Variants in LTBP1 observed in about 807,000 individuals in gnomAD.
LTBP1 encodes latent-transforming growth factor beta-binding protein 1.
A neutral mutation model predicts 207.6 loss-of-function variants in LTBP1; 129 were observed. That is an observed-to-expected ratio of 0.62 (90% CI 0.54 to 0.72). The LOEUF (loss-of-function observed/expected upper bound fraction) is 0.72, where lower values mean the gene tolerates loss of function less well. LTBP1 is among the 30% of genes least tolerant of loss of function. LTBP1 has a pLI of 0.00. For synonymous variants in LTBP1, 963 were observed against 833.7 expected, an observed-to-expected ratio of 1.16 and a Z score of -2.67; for missense variants, 2,281 against 2,217.2, an observed-to-expected ratio of 1.03 and a Z score of -0.58.
At chr2:33,109,978 C>T (rs1471770767) in intron 3 of LTBP1, among the ~76,000 whole-genome samples, 1 of 152,220 alleles carries the variant, frequency 6.6e-6, no homozygotes, top group Non-Finnish European at 1.5e-5. Context: ...ACTAATACAA[C>T]ATGGGGATTT....
At chr2:33,118,851 G>A (rs2080937574) in intron 4 of LTBP1, among the ~76,000 whole-genome samples, 1 of 152,196 alleles carries the variant, frequency 6.6e-6, no homozygotes, top group South Asian at 2.1e-4. Flanking sequence ...GTACGAACAT[G>A]ATTATTCTCT....
intron 9 of LTBP1, among the ~76,000 whole-genome samples, chr2:33,231,410 AAAG>A (rs1000506149): frequency 3.3e-5 from 5 of 152,218 alleles, no homozygotes; most frequent in Non-Finnish European, 5.9e-5. Flanking sequence ...TGTTTGGACA[AAAG>A]AAGAGATAAT....
intron 19 of LTBP1, among the ~76,000 whole-genome samples, chr2:33,281,755 A>G (rs1032862435): frequency 3.3e-5 from 5 of 152,118 alleles, no homozygotes; most frequent in Non-Finnish European, 7.4e-5. Context: ...TTAGTTTTTT[A>G]TTTGATAAGC....
intron 2 of LTBP1, among the ~76,000 whole-genome samples, chr2:32,961,682 A>T (rs1343646891): frequency 1.3e-5 from 2 of 152,130 alleles, no homozygotes; most frequent in African/African-American, 4.8e-5. Flanking sequence ...GTGGTGGCTC[A>T]TGCCTGTAAT....
At chr2:33,261,235 C>T (rs1329738336) in intron 13 of LTBP1, among the ~76,000 whole-genome samples, 1 of 149,332 alleles carries the variant, frequency 6.7e-6, no homozygotes, top group Non-Finnish European at 1.5e-5. Context: ...TGCTGCCTCA[C>T]GGTGATGGGG....
chr2:33,158,980 G>GGA (rs1273206120), intron 5 of LTBP1, among the ~76,000 whole-genome samples: 1 of 152,168 alleles, frequency 6.6e-6, no homozygotes, highest in African/African-American at 2.4e-5. Context: ...ACAGTTCTTT[G>GGA]GAGAGCTCAG....
chr2:33,301,734 C>T, intron 22 of LTBP1, 90 bp downstream of exon 22: 1 of 1,199,704 alleles, frequency 8.3e-7, no homozygotes, highest in Non-Finnish European at 1.1e-6. Flanking sequence ...TGAACCTCAT[C>T]TCTTGATTTC....
intron 26 of LTBP1, among the ~76,000 whole-genome samples, chr2:33,348,068 G>A (rs1271178901): frequency 6.6e-6 from 1 of 152,090 alleles, no homozygotes; most frequent in African/African-American, 2.4e-5. Flanking sequence ...ATAGAGAGTT[G>A]GACTGTTTTC....
At chr2:32,991,203 T>C (rs1174479463) in intron 2 of LTBP1, among the ~76,000 whole-genome samples, 1 of 152,240 alleles carries the variant, frequency 6.6e-6, no homozygotes, top group Non-Finnish European at 1.5e-5. Flanking sequence ...TTTTAATAAA[T>C]ATTTGCCCGC....
At chr2:33,018,282 G>T (rs970316272) in intron 2 of LTBP1, among the ~76,000 whole-genome samples, 1 of 151,628 alleles carries the variant, frequency 6.6e-6, no homozygotes. Flanking sequence ...GCTCATTCTT[G>T]GTGGTACATT....
intron 24 of LTBP1, among the ~76,000 whole-genome samples, chr2:33,335,174 GA>G (rs201701995): frequency 0.029 from 3,367 of 117,948 alleles, 38 homozygotes; most frequent in African/African-American, 0.053. Flanking sequence ...CCATGCTGGG[GA>G]AAAAAAAAAA....
chr2:33,374,309 T>C (rs2095108793), intron 31 of LTBP1, among the ~76,000 whole-genome samples: 1 of 152,224 alleles, frequency 6.6e-6, no homozygotes, highest in Non-Finnish European at 1.5e-5. Flanking sequence ...TGGTCCTGGC[T>C]CTGTGACATT....
rs566735973 is a variant in LTBP1, at chr2:33,188,877, T to G, written c.1701+26T>G. ...GTAAACATCATCACCGAGCCTGCTT[T>G]AGCAGTGTCTTACAGATATGGTATC... On this transcript the variant is annotated intron_variant, in intron 7 of 33. Transcript: ENST00000404816. The G allele has an allele frequency of 8.9e-5, 143 of 1,610,434 alleles. No individual in the cohort carries two copies. The South Asian group carries it at 1.4e-3, about 16-fold the overall frequency.
chr2:33,247,497 A>G (rs114059462), intron 10 of LTBP1, among the ~76,000 whole-genome samples: 2,956 of 152,338 alleles, frequency 0.019, 43 homozygotes, highest in Middle Eastern at 0.1. Context: ...TTTTATTGGA[A>G]CACAGCCATG....
At chr2:33,281,959 A>G (rs1184741819) in intron 19 of LTBP1, among the ~76,000 whole-genome samples, 2 of 151,900 alleles carry the variant, frequency 1.3e-5, no homozygotes, top group Non-Finnish European at 2.9e-5. Flanking sequence ...GTGTAAACGC[A>G]GCCCTGATTC....
intron 2 of LTBP1, among the ~76,000 whole-genome samples, chr2:33,016,711 A>C (rs923094990): frequency 2.6e-5 from 4 of 152,174 alleles, no homozygotes; most frequent in African/African-American, 9.6e-5. Context: ...GGGAAAAAAA[A>C]TAAAATTAAA....
chr2:32,996,232 C>T (rs1572995063), intron 2 of LTBP1, among the ~76,000 whole-genome samples: 1 of 152,140 alleles, frequency 6.6e-6, no homozygotes, highest in Admixed American at 6.5e-5. Flanking sequence ...GTGCCAGCTG[C>T]TTCAGTGTCT....
chr2:33,103,219 T>A (rs2079841858), intron 3 of LTBP1, among the ~76,000 whole-genome samples: 1 of 151,718 alleles, frequency 6.6e-6, no homozygotes, highest in Non-Finnish European at 1.5e-5. Context: ...ATGTTGTATA[T>A]ATAGTCTGCT....
intron 2 of LTBP1, among the ~76,000 whole-genome samples, chr2:33,019,602 T>A (rs1268406747): frequency 6.6e-6 from 1 of 152,148 alleles, no homozygotes; most frequent in East Asian, 1.9e-4. Flanking sequence ...CCCAAAGTGC[T>A]AGGATTACAG....
Sources: gnomAD v4.1 joint callset for allele counts (sites outside exome capture counted in the v4.1 genomes callset) on GRCh38, gnomAD v4.1.1 for gene constraint, MANE v1.5 for transcripts, NCBI Gene and HGNC (gene_info 2026-07-23, HGNC 2026-07-21) for gene names.